RUFY4: variants seen among roughly 807,000 people sequenced by gnomAD.
The protein encoded by RUFY4 is RUN and FYVE domain containing 4.
RUFY4 carries 73 observed loss-of-function variants against 69.0 expected under a neutral mutation model. The ratio of observed to expected loss-of-function variants is 1.06; its 90% CI spans 0.88 to 1.29. The LOEUF (loss-of-function observed/expected upper bound fraction) is 1.29, where lower values mean the gene tolerates loss of function less well. Ranked by LOEUF, RUFY4 falls within the 50% of genes most tolerant of loss-of-function variation. The pLI is 0.00. For synonymous variants in RUFY4, 287 were observed against 271.8 expected (o/e 1.06, Z -0.55); for missense variants, 770 against 705.6 (o/e 1.09, Z -1.03).
chr2:218,049,184 G>A (rs1041116688), intron 2 of RUFY4, among the ~76,000 whole-genome samples: 3 of 152,076 alleles, frequency 2.0e-5, no homozygotes, highest in Non-Finnish European at 4.4e-5. Flanking sequence ...GCAGGTTTGG[G>A]ACCTCATCAT....
intron 2 of RUFY4, among the ~76,000 whole-genome samples, chr2:218,071,423 C>CT (rs1226601945): frequency 1.3e-5 from 2 of 152,162 alleles, no homozygotes; most frequent in Non-Finnish European, 2.9e-5. Flanking sequence ...GCCTCGGGGC[C>CT]TTTGCTCGGG....
At chr2:218,037,576 C>G (rs1277909702) in intron 2 of RUFY4, among the ~76,000 whole-genome samples, 1 of 152,146 alleles carries the variant, frequency 6.6e-6, no homozygotes, top group Non-Finnish European at 1.5e-5. Context: ...TTTGTTGGAA[C>G]TTTTGATAGG....
intron 3 of RUFY4, among the ~76,000 whole-genome samples, chr2:218,063,637 G>A (rs986903875): frequency 6.6e-6 from 1 of 152,176 alleles, no homozygotes; most frequent in South Asian, 2.1e-4. Flanking sequence ...GGGCCAAGAG[G>A]AATAGGAAGA....
intron 2 of RUFY4, among the ~76,000 whole-genome samples, chr2:218,050,657 A>G (rs1688923621): frequency 6.6e-6 from 1 of 152,030 alleles, no homozygotes. Flanking sequence ...CTGTATTACC[A>G]CACATTTTTT....
chr2:218,088,697 C>G (rs1432011084), intron 9 of RUFY4, among the ~76,000 whole-genome samples: 1 of 152,086 alleles, frequency 6.6e-6, no homozygotes, highest in Non-Finnish European at 1.5e-5. Context: ...AAAGAGGAGG[C>G]CAGGTGTCAG....
intron 4 of RUFY4, 128 bp from the exon 7 acceptor site, chr2:218,073,115 G>C (rs1559432756): frequency 4.0e-6 from 5 of 1,265,556 alleles, no homozygotes; most frequent in East Asian, 5.1e-5. Flanking sequence ...ACTCTGCCTG[G>C]GGAACAGCCT....
intron 9 of RUFY4, among the ~76,000 whole-genome samples, chr2:218,087,598 T>G (rs1038699862): frequency 1.4e-4 from 21 of 152,008 alleles, no homozygotes; most frequent in Non-Finnish European, 2.9e-5. Context: ...GAAGTCCAAG[T>G]CAGGTGGATC....
chr2:218,058,011 A>G (rs528745853), intron 2 of RUFY4, among the ~76,000 whole-genome samples: 6 of 152,342 alleles, frequency 3.9e-5, no homozygotes, highest in African/African-American at 1.4e-4. Context: ...TTTCTGTAGG[A>G]TAGGTTTGTA....
intron 3 of RUFY4, chr2:218,060,925 A>G (rs770274082): frequency 5.2e-6 from 5 of 954,258 alleles, no homozygotes; most frequent in South Asian, 3.9e-5. Context: ...AAACCCAGAC[A>G]TATGAACTTG....
intron 6 of RUFY4, 39 bp from the exon 9 acceptor site, chr2:218,075,054 G>T: frequency 6.8e-7 from 1 of 1,479,512 alleles, no homozygotes; most frequent in Non-Finnish European, 9.0e-7. Flanking sequence ...CAGTGAATTG[G>T]TGCTGAGAGG....
chr2:218,054,303 C>G (rs1008587917), intron 2 of RUFY4, among the ~76,000 whole-genome samples: 2 of 152,108 alleles, frequency 1.3e-5, no homozygotes, highest in African/African-American at 4.8e-5. Context: ...GTCTGTAGTT[C>G]CAACACTTTG....
chr2:218,073,777 AAG>A, intron 5 of RUFY4, 37 bp from the exon 8 acceptor site: 1 of 1,610,186 alleles, frequency 6.2e-7, no homozygotes, highest in Non-Finnish European at 8.5e-7. Flanking sequence ...CCCAACACTG[AAG>A]AGAGGCCCAG....
At chr2:218,042,679 C>T (rs74606614) in intron 2 of RUFY4, among the ~76,000 whole-genome samples, 1,793 of 136,162 alleles carry the variant, frequency 0.013, 37 homozygotes, top group African/African-American at 0.05. Context: ...CATACATGAT[C>T]TGTTGTAGTG....
At chr2:218,049,009 G>T (rs762950123) in intron 2 of RUFY4, among the ~76,000 whole-genome samples, 1 of 152,216 alleles carries the variant, frequency 6.6e-6, no homozygotes, top group Non-Finnish European at 1.5e-5. Context: ...ATCTTTCGAA[G>T]AGCATATTTT....
intron 2 of RUFY4, among the ~76,000 whole-genome samples, chr2:218,052,438 A>T (rs1688965522): frequency 6.6e-6 from 1 of 152,036 alleles, no homozygotes; most frequent in Non-Finnish European, 1.5e-5. Flanking sequence ...TATGGTGTAC[A>T]CTCCTAACCT....
intron 2 of RUFY4, among the ~76,000 whole-genome samples, chr2:218,043,420 G>A (rs559661486): frequency 2.0e-5 from 3 of 152,010 alleles, no homozygotes; most frequent in Non-Finnish European, 4.4e-5. Flanking sequence ...CCCAACATCT[G>A]TTCTGCTCTC....
chr2:218,056,216 G>T (rs958337919), intron 2 of RUFY4, among the ~76,000 whole-genome samples: 1 of 148,710 alleles, frequency 6.7e-6, no homozygotes. Context: ...TTATTATATT[G>T]TTGCTGGTTG....
intron 5 of RUFY4, 94 bp downstream of exon 7, chr2:218,073,480 C>T: frequency 1.3e-6 from 2 of 1,484,210 alleles, no homozygotes; most frequent in South Asian, 1.3e-5. Context: ...CAGCCTCCAG[C>T]CCCATCTGTC....
intron 2 of RUFY4, among the ~76,000 whole-genome samples, chr2:218,041,589 CAA>C (rs112548192): frequency 4.3e-4 from 55 of 126,938 alleles, no homozygotes; most frequent in African/African-American, 1.4e-3. Flanking sequence ...GAAGTACAGC[CAA>C]AAAAAAAAAA....
Sources: allele counts gnomAD v4.1 joint callset (sites outside exome capture counted in the v4.1 genomes callset), GRCh38; gene constraint gnomAD v4.1.1; transcripts MANE v1.5; gene names NCBI Gene and HGNC (gene_info 2026-07-23, HGNC 2026-07-21).